Variants in KCNIP4 observed in about 807,000 individuals in gnomAD.
KCNIP4 encodes the protein Kv channel-interacting protein 4.
In KCNIP4, 12 loss-of-function variants were observed where a neutral mutation model predicts 34.0. The observed-to-expected ratio is 0.35, with a 90% CI of 0.23 to 0.57. The LOEUF is 0.57. KCNIP4 is among the 20% of genes least tolerant of loss of function. The probability of loss-of-function intolerance (pLI) is 0.83; values close to 1 mark genes in which losing one functional copy is unlikely to be tolerated. For missense variants in KCNIP4, 238 were observed against 311.7 expected, an observed-to-expected ratio of 0.76 and a Z score of 1.78; for synonymous variants, 124 against 102.2, an observed-to-expected ratio of 1.21 and a Z score of -1.29.
At chr4:21,048,940 T>G (rs1742670541) in intron 1 of KCNIP4, among the ~76,000 whole-genome samples, 3 of 148,220 alleles carry the variant, frequency 2.0e-5, no homozygotes, top group Non-Finnish European at 4.5e-5. Flanking sequence ...TACCTTCTGT[T>G]TATCTTTTTT....
intron 1 of KCNIP4, among the ~76,000 whole-genome samples, chr4:21,027,871 A>G (rs1740686696): frequency 6.6e-6 from 1 of 152,150 alleles, no homozygotes; most frequent in Non-Finnish European, 1.5e-5. Context: ...GCTCTAAATA[A>G]TTTAACATGA....
At chr4:21,536,869 C>T (rs1292277515) in intron 1 of KCNIP4, among the ~76,000 whole-genome samples, 1 of 151,962 alleles carries the variant, frequency 6.6e-6, no homozygotes, top group Non-Finnish European at 1.5e-5. Flanking sequence ...TGGATAATTA[C>T]TTACCCAAAG....
chr4:21,573,609 T>C (rs1301068241), intron 1 of KCNIP4, among the ~76,000 whole-genome samples: 1 of 152,176 alleles, frequency 6.6e-6, no homozygotes, highest in African/African-American at 2.4e-5. Context: ...AATTTTCCTC[T>C]GAGCAATACC....
At chr4:21,337,717 G>C (rs886863560) in intron 1 of KCNIP4, among the ~76,000 whole-genome samples, 3 of 152,084 alleles carry the variant, frequency 2.0e-5, no homozygotes, top group African/African-American at 7.2e-5. Context: ...GATAATTAAT[G>C]TACCTCATTT....
intron 1 of KCNIP4, among the ~76,000 whole-genome samples, chr4:21,828,984 A>G (rs551278847): frequency 1.3e-4 from 20 of 152,066 alleles, no homozygotes; most frequent in Non-Finnish European, 2.5e-4. Flanking sequence ...GCAATATGGG[A>G]TGGAAATGAA....
intron 1 of KCNIP4, among the ~76,000 whole-genome samples, chr4:21,594,131 C>T (rs996046235): frequency 6.6e-6 from 1 of 152,078 alleles, no homozygotes; most frequent in Non-Finnish European, 1.5e-5. Flanking sequence ...AAAATAACTC[C>T]TCAACAGCAA....
intron 1 of KCNIP4, among the ~76,000 whole-genome samples, chr4:21,375,091 A>G (rs547418030): frequency 1.2e-4 from 18 of 147,710 alleles, no homozygotes; most frequent in Non-Finnish European, 2.5e-4. Flanking sequence ...CTTCATGCAG[A>G]TTTAAATTTC....
intron 1 of KCNIP4, among the ~76,000 whole-genome samples, chr4:21,167,393 T>C (rs1475451464): frequency 6.6e-6 from 1 of 152,204 alleles, no homozygotes; most frequent in Non-Finnish European, 1.5e-5. Context: ...ACAAAAAGAA[T>C]TATCATTTAG....
chr4:20,912,871 G>C (rs1405288573), intron 1 of KCNIP4, among the ~76,000 whole-genome samples: 1 of 152,068 alleles, frequency 6.6e-6, no homozygotes, highest in African/African-American at 2.4e-5. Context: ...TAAAAAAGGA[G>C]GACAATTATT....
intron 1 of KCNIP4, among the ~76,000 whole-genome samples, chr4:21,143,697 C>A (rs1306842723): frequency 6.9e-6 from 1 of 145,290 alleles, no homozygotes; most frequent in Non-Finnish European, 1.5e-5. Context: ...TTAACCACAG[C>A]CATCACAGTT....
intron 1 of KCNIP4, among the ~76,000 whole-genome samples, chr4:21,887,215 C>T (rs576145383): frequency 5.3e-5 from 8 of 152,182 alleles, no homozygotes; most frequent in African/African-American, 1.4e-4. Flanking sequence ...GTGGCTTAAT[C>T]AACAGAGATG....
intron 1 of KCNIP4, among the ~76,000 whole-genome samples, chr4:21,548,956 T>C (rs1365121678): frequency 6.6e-6 from 1 of 151,950 alleles, no homozygotes; most frequent in Non-Finnish European, 1.5e-5. Context: ...CTGTGGGGAA[T>C]GACATACTCA....
At chr4:21,113,481 G>GAAAGAAA (rs1749422988) in intron 1 of KCNIP4, among the ~76,000 whole-genome samples, 1 of 49,852 alleles carries the variant, frequency 2.0e-5, no homozygotes, top group African/African-American at 8.6e-5. Flanking sequence ...AAAAAAAAAA[G>GAAAGAAA]GAAAGCTATA....
rs141617600 is a variant in KCNIP4, at chr4:21,600,956, C to T, written c.61+347615G>A. On this transcript the variant is annotated intron_variant, in intron 1 of 8. Coordinates refer to ENST00000382152, the MANE Select transcript of KCNIP4 (RefSeq NM_025221.6). ...CAATATCACCAACACAAACCTGATC[C>T]CCTTTTGTCATTTAAAAAAATCTTA... is the stretch of plus-strand genomic sequence containing the variant. Among the ~76,000 whole-genome samples the T allele has an allele frequency of 3.9e-3, 593 of 152,078 alleles. 3 individuals carry two copies. Among genetic ancestry groups the T allele is most frequent in the Middle Eastern group, 0.017 (5 of 294 alleles).
chr4:21,798,404 C>CATACATATATATATATATATATAT (rs557219481), intron 1 of KCNIP4, among the ~76,000 whole-genome samples: 39 of 129,664 alleles, frequency 3.0e-4, no homozygotes, highest in Admixed American at 2.0e-3. Flanking sequence ...CAAAAAAATA[C>CATACATATATATATATATATATAT]ATATATATAT....
intron 2 of KCNIP4, among the ~76,000 whole-genome samples, chr4:20,881,776 G>A (rs1210964561): frequency 6.6e-6 from 1 of 152,124 alleles, no homozygotes; most frequent in Middle Eastern, 3.2e-3. Context: ...GTATTTTGTC[G>A]ATGTGCTTAA....
At chr4:20,829,220 T>A (rs868461246) in intron 3 of KCNIP4, among the ~76,000 whole-genome samples, 2,382 of 152,248 alleles carry the variant, frequency 0.016, 67 homozygotes, top group African/African-American at 0.055. Flanking sequence ...TTTTATTTTT[T>A]TTTTTGAGAC....
chr4:20,876,824 G>A (rs1346432027), intron 2 of KCNIP4, among the ~76,000 whole-genome samples: 1 of 151,994 alleles, frequency 6.6e-6, no homozygotes, highest in African/African-American at 2.4e-5. Flanking sequence ...CACCCACCTC[G>A]GCCTCCCAAA....
intron 1 of KCNIP4, among the ~76,000 whole-genome samples, chr4:21,907,706 C>T (rs2108977074): frequency 6.6e-6 from 1 of 152,236 alleles, no homozygotes; most frequent in Non-Finnish European, 1.5e-5. Context: ...CTCACCAACC[C>T]TTGACATAAG....
Sources: gnomAD v4.1 joint callset for allele counts (sites outside exome capture counted in the v4.1 genomes callset) on GRCh38, gnomAD v4.1.1 for gene constraint, MANE v1.5 for transcripts, NCBI Gene and HGNC (gene_info 2026-07-23, HGNC 2026-07-21) for gene names.